The following FMN1 variants were observed in gnomAD, a reference collection of about 807,000 sequenced individuals.
FMN1 encodes the protein formin-1.
A neutral mutation model predicts 132.4 loss-of-function variants in FMN1; 110 were observed. That is an observed-to-expected ratio of 0.83 (90% CI 0.71 to 0.97). The LOEUF (loss-of-function observed/expected upper bound fraction) is 0.97. Ranked by LOEUF, FMN1 falls within the 50% of genes least tolerant of loss-of-function variation. The probability of loss-of-function intolerance (pLI) is 0.00; values close to 1 mark genes in which losing one functional copy is unlikely to be tolerated. For missense variants in FMN1, 1,792 were observed against 1,705.3 expected, an observed-to-expected ratio of 1.05 and a Z score of -0.90; for synonymous variants, 722 against 651.7, an observed-to-expected ratio of 1.11 and a Z score of -1.64.
intron 4 of FMN1, among the ~76,000 whole-genome samples, chr15:33,097,336 G>A (rs1372091173): frequency 1.3e-5 from 2 of 148,738 alleles, no homozygotes; most frequent in African/African-American, 2.5e-5. Flanking sequence ...GAGAGAGATG[G>A]GCTAAAAGGA....
At chr15:33,150,611 A>C (rs1964404011) in intron 4 of FMN1, 3 of 985,448 alleles carry the variant, frequency 3.0e-6, no homozygotes, top group Non-Finnish European at 3.6e-6. Flanking sequence ...GTCTTGTAAC[A>C]AGGATAAGCG....
At chr15:33,183,286 T>C (rs1282717085) in intron 2 of FMN1, among the ~76,000 whole-genome samples, 2 of 152,194 alleles carry the variant, frequency 1.3e-5, no homozygotes, top group African/African-American at 4.8e-5. Context: ...TAAAATTAGA[T>C]AGAACTTTTA....
chr15:33,144,915 T>C (rs1964156892), intron 4 of FMN1, among the ~76,000 whole-genome samples: 1 of 152,208 alleles, frequency 6.6e-6, no homozygotes, highest in African/African-American at 2.4e-5. Flanking sequence ...ATAAAGCTAA[T>C]TTTAAAAAGT....
chr15:32,979,391 T>TA (rs1160348341), intron 7 of FMN1, among the ~76,000 whole-genome samples: 11 of 151,522 alleles, frequency 7.3e-5, no homozygotes, highest in African/African-American at 2.7e-4. Flanking sequence ...CCGTCTCTAC[T>TA]AAAAAATACA....
At chr15:33,115,763 G>C (rs2039900059) in intron 4 of FMN1, among the ~76,000 whole-genome samples, 1 of 152,016 alleles carries the variant, frequency 6.6e-6, no homozygotes, top group African/African-American at 2.4e-5. Flanking sequence ...TGCTATTTCT[G>C]GCCAGACTTT....
chr15:32,924,988 T>C lies in FMN1; in HGVS notation c.3226+1186A>G, dbSNP rs143853114. ...AATTAATTAGTGAGAAAGGGGAGTATTGTTTTCATGCGAGACACAGATTTT... is the reference window on the plus strand; with the variant it reads ...AATTAATTAGTGAGAAAGGGGAGTACTGTTTTCATGCGAGACACAGATTTT... On this transcript the variant is annotated intron_variant, in intron 10 of 20. Coordinates refer to ENST00000616417, the MANE Select transcript of FMN1 (RefSeq NM_001277313.2). 2.8e-3 allele frequency among the ~76,000 whole-genome samples: 427 copies of C among 152,318 alleles called. 4 individuals are homozygous for C. The highest frequency in any genetic ancestry group is 9.7e-3 in the African/African-American group (402 of 41,558).
intron 6 of FMN1, among the ~76,000 whole-genome samples, chr15:33,027,192 G>T (rs138952093): frequency 6.6e-6 from 1 of 152,162 alleles, no homozygotes; most frequent in Non-Finnish European, 1.5e-5. Flanking sequence ...ACAGCACTCT[G>T]GTCTTCTAGT....
intron 19 of FMN1, among the ~76,000 whole-genome samples, chr15:32,797,548 A>AT (rs1365119329): frequency 3.3e-5 from 5 of 151,896 alleles, no homozygotes; most frequent in Admixed American, 6.6e-5. Flanking sequence ...GATTTTTAGG[A>AT]TTTTTTTTCA....
At chr15:33,186,270 G>A (rs773942514) in intron 2 of FMN1, among the ~76,000 whole-genome samples, 2 of 151,800 alleles carry the variant, frequency 1.3e-5, no homozygotes, top group African/African-American at 2.4e-5. Context: ...GCTGCAGTGA[G>A]TATATCCAAC....
intron 19 of FMN1, among the ~76,000 whole-genome samples, chr15:32,782,932 T>C (rs1262732939): frequency 2.0e-5 from 3 of 152,188 alleles, no homozygotes; most frequent in Non-Finnish European, 4.4e-5. Context: ...GTCTCACTTA[T>C]AAGTGGGAGC....
chr15:32,964,463 T>G (rs1259382928), intron 8 of FMN1, among the ~76,000 whole-genome samples: 2 of 152,202 alleles, frequency 1.3e-5, no homozygotes, highest in African/African-American at 4.8e-5. Context: ...CACAGACGTA[T>G]TTCCAAAAAA....
chr15:32,964,298 C>G, intron 8 of FMN1, 41 bp from the exon 9 acceptor site: 1 of 1,435,646 alleles, frequency 7.0e-7, no homozygotes, highest in Non-Finnish European at 9.5e-7. Context: ...AGAACCAAAA[C>G]AGGAAGGAAT....
intron 1 of FMN1, 146 bp from the exon 2 acceptor site, chr15:33,194,206 A>AG (rs1386745881): frequency 2.0e-5 from 3 of 150,202 alleles, no homozygotes; most frequent in Admixed American, 2.0e-4. Context: ...AAAAAAAAAA[A>AG]AAAAAAAAAA....
intron 10 of FMN1, among the ~76,000 whole-genome samples, chr15:32,920,069 C>T (rs899483147): frequency 2.6e-5 from 4 of 152,090 alleles, no homozygotes; most frequent in African/African-American, 9.7e-5. Flanking sequence ...AATATTAATT[C>T]TGCGTGTATG....
In FMN1 at chr15:33,014,559, G is replaced by A. The variant is rs541620791; in HGVS notation, c.2162-6484C>T. On this transcript the variant is annotated intron_variant, in intron 6 of 20. Transcript: ENST00000616417. ...TCCACAAGAAACAAGTCTAAAGAAC[G>A]TCTTTTTGAAAACAATAATGTAGTC... Among the ~76,000 whole-genome samples the A allele has an allele frequency of 3.4e-4, 51 of 152,172 alleles. No homozygotes were observed. The South Asian group carries it at 0.01, about 31-fold the overall frequency.
chr15:33,137,087 C>CAA (rs3082373), intron 4 of FMN1, among the ~76,000 whole-genome samples: 28 of 52,420 alleles, frequency 5.3e-4, no homozygotes, highest in South Asian at 1.3e-3. Flanking sequence ...GACCCCGTCT[C>CAA]AAAAAAAAAA....
intron 9 of FMN1, among the ~76,000 whole-genome samples, chr15:32,954,953 A>T (rs11630667): frequency 0.09 from 13,738 of 152,274 alleles, 696 homozygotes; most frequent in African/African-American, 0.14. Context: ...GGTTGCAGTG[A>T]CTAGGCAACA....
At chr15:33,105,570 G>A (rs2039453136) in intron 4 of FMN1, among the ~76,000 whole-genome samples, 1 of 152,078 alleles carries the variant, frequency 6.6e-6, no homozygotes, top group Non-Finnish European at 1.5e-5. Context: ...TAATGACTGG[G>A]GAAAGGTTTA....
At chr15:32,862,108 C>A (rs1012168889) in intron 16 of FMN1, among the ~76,000 whole-genome samples, 1 of 152,134 alleles carries the variant, frequency 6.6e-6, no homozygotes, top group Non-Finnish European at 1.5e-5. Context: ...TTGGCTTATC[C>A]GAGATGCTTT....
Sources: allele counts gnomAD v4.1 joint callset (sites outside exome capture counted in the v4.1 genomes callset), GRCh38; gene constraint gnomAD v4.1.1; transcripts MANE v1.5; gene names NCBI Gene and HGNC (gene_info 2026-07-23, HGNC 2026-07-21).